The following HSPA12A variants were observed in gnomAD, a reference collection of about 807,000 sequenced individuals.
HSPA12A encodes the protein heat shock protein family A (Hsp70) member 12A.
A neutral mutation model predicts 69.2 loss-of-function variants in HSPA12A; 28 were observed. The observed-to-expected ratio is 0.40, with a 90% CI of 0.30 to 0.55. The LOEUF (loss-of-function observed/expected upper bound fraction) is 0.55, where lower values mean the gene tolerates loss of function less well. Ranked by LOEUF, HSPA12A falls within the 20% of genes least tolerant of loss-of-function variation. The pLI is 0.38. For missense variants in HSPA12A, 686 were observed against 900.7 expected (o/e 0.76, Z 3.05); for synonymous variants, 345 against 370.5 (o/e 0.93, Z 0.79).
intron 2 of HSPA12A, among the ~76,000 whole-genome samples, chr10:116,780,274 T>C (rs1248210203): frequency 1.3e-5 from 2 of 152,196 alleles, no homozygotes; most frequent in East Asian, 1.9e-4. Context: ...TCCTGTTTCA[T>C]GGACTCTTCG....
intron 2 of HSPA12A, among the ~76,000 whole-genome samples, chr10:116,815,393 C>G (rs1845283521): frequency 6.6e-6 from 1 of 152,078 alleles, no homozygotes; most frequent in Non-Finnish European, 1.5e-5. Flanking sequence ...TGGCAAGACC[C>G]CATTTCCACA....
chr10:116,836,472 C>T (rs1050504441), intron 1 of HSPA12A, among the ~76,000 whole-genome samples: 4 of 152,166 alleles, frequency 2.6e-5, no homozygotes, highest in Middle Eastern at 3.2e-3. Flanking sequence ...AACTAGATCG[C>T]TTTGGTTCCT....
chr10:116,772,575 G>A (rs909831263), intron 2 of HSPA12A, among the ~76,000 whole-genome samples: 14 of 152,206 alleles, frequency 9.2e-5, no homozygotes, highest in South Asian at 2.1e-4. Context: ...AATGAGGCCC[G>A]AAGCTGTCTG....
At chr10:116,728,837 C>G (rs1218558984) in intron 1 of HSPA12A, among the ~76,000 whole-genome samples, 1 of 152,216 alleles carries the variant, frequency 6.6e-6, no homozygotes, top group African/African-American at 2.4e-5. Context: ...GAGTAAGACT[C>G]CCTGATGGTG....
chr10:116,733,422 A>G (rs1004815526), intron 1 of HSPA12A, among the ~76,000 whole-genome samples: 8 of 152,214 alleles, frequency 5.3e-5, no homozygotes, highest in Non-Finnish European at 7.3e-5. Flanking sequence ...ACTGTTCCTC[A>G]TCACAGAGAA....
chr10:116,734,536 C>T (rs961658121), intron 1 of HSPA12A, among the ~76,000 whole-genome samples: 4 of 151,660 alleles, frequency 2.6e-5, no homozygotes, highest in Non-Finnish European at 4.4e-5. Flanking sequence ...AATGTCTTTG[C>T]AGCTCCTTCA....
intron 2 of HSPA12A, among the ~76,000 whole-genome samples, chr10:116,794,064 G>A (rs546020285): frequency 3.9e-5 from 6 of 152,074 alleles, no homozygotes; most frequent in South Asian, 2.1e-4. Context: ...TTAGCCAGGC[G>A]TGGTGGTGGG....
At chr10:116,822,341 G>T (rs1392550234) in intron 2 of HSPA12A, among the ~76,000 whole-genome samples, 1 of 152,216 alleles carries the variant, frequency 6.6e-6, no homozygotes, top group South Asian at 2.1e-4. Context: ...CTCATGATAA[G>T]AGAACAACTG....
At chr10:116,834,133 G>T (rs1845668924) in intron 2 of HSPA12A, among the ~76,000 whole-genome samples, 1 of 152,286 alleles carries the variant, frequency 6.6e-6, no homozygotes, top group African/African-American at 2.4e-5. Flanking sequence ...ACCTGGCTGA[G>T]TTGGAAAACA....
At chr10:116,700,309 C>T (rs991571336) in intron 4 of HSPA12A, among the ~76,000 whole-genome samples, 63 of 152,178 alleles carry the variant, frequency 4.1e-4, no homozygotes, top group African/African-American at 1.4e-3. Flanking sequence ...CTGTCCTATG[C>T]CCTATCCTTT....
chr10:116,801,199 T>G (rs967273551), intron 2 of HSPA12A, among the ~76,000 whole-genome samples: 1 of 152,194 alleles, frequency 6.6e-6, no homozygotes. Flanking sequence ...ATGGCTGGAT[T>G]CTAAGGGAAT....
At chr10:116,714,477 C>G (rs1850545088) in intron 1 of HSPA12A, among the ~76,000 whole-genome samples, 2 of 152,186 alleles carry the variant, frequency 1.3e-5, no homozygotes, top group South Asian at 4.1e-4. Context: ...TTCGCTGGCT[C>G]CTCTGCTAAG....
At chr10:116,807,619 G>A (rs530424540) in intron 2 of HSPA12A, among the ~76,000 whole-genome samples, 23 of 152,272 alleles carry the variant, frequency 1.5e-4, no homozygotes, top group African/African-American at 4.3e-4. Flanking sequence ...TCAGCGGGTC[G>A]TCCCCATTTC....
intron 3 of HSPA12A, among the ~76,000 whole-genome samples, chr10:116,702,122 CAGAGAGAGAG>C (rs60517749): frequency 2.0e-5 from 3 of 149,266 alleles, no homozygotes; most frequent in Non-Finnish European, 3.0e-5. Context: ...AAAGAAATGA[CAGAGAGAGAG>C]AGAGAGAGAG....
rs1156296437 is a variant in HSPA12A, at chr10:116,710,319, G to C, written c.41-3034C>G. ...CTAATTGCCCAGAAAATCTGGTGTT[G>C]GCAATTAGCAAACAAGCTATTATCT... is the stretch of plus-strand genomic sequence containing the variant. On this transcript the variant is annotated intron_variant, in intron 1 of 11. Transcript: ENST00000369209. This position sits in a 1 kb window ranked among gnomAD's most constrained non-coding sequence, Gnocchi z 4.1. Among the ~76,000 whole-genome samples, 1 of 152,186 alleles carries C rather than the reference G, an allele frequency of 6.6e-6. No homozygotes were observed. The highest frequency in any genetic ancestry group is 1.5e-5 in the Non-Finnish European group (1 of 68,026).
chr10:116,675,463 G>C lies in HSPA12A; in HGVS notation c.1391-45C>G. 2 of 1,501,870 alleles carry C rather than the reference G, an allele frequency of 1.3e-6. No individual in the cohort carries two copies. The highest frequency in any genetic ancestry group is 1.8e-6 in the Non-Finnish European group (2 of 1,124,030). 93.0% of individuals were successfully genotyped at this position (1,501,870 alleles called of 1,614,324 possible). The stretch of plus-strand genomic sequence containing the variant: ...GAGAATGTCCTGTCACCAAAAGCCA[G>C]CAAGGAAGGGGGAACTGGGCTGCCT... On this transcript the variant is annotated intron_variant, in intron 11 of 11. Coordinates refer to ENST00000369209, the MANE Select transcript of HSPA12A (RefSeq NM_025015.3). This position sits in a 1 kb window ranked among gnomAD's most constrained non-coding sequence, Gnocchi z 5.2.
At chr10:116,697,542 G>C (rs782562381) in intron 5 of HSPA12A, among the ~76,000 whole-genome samples, 4 of 152,104 alleles carry the variant, frequency 2.6e-5, no homozygotes, top group African/African-American at 4.8e-5. Flanking sequence ...TGCATGTCCA[G>C]TCCCATTTTC....
At chr10:116,716,248 C>A (rs1018825797) in intron 1 of HSPA12A, among the ~76,000 whole-genome samples, 1 of 152,098 alleles carries the variant, frequency 6.6e-6, no homozygotes, top group Non-Finnish European at 1.5e-5. Flanking sequence ...CTTAAAGGAC[C>A]CTGACATGCC....
Position 116,671,278 on chromosome 10 carries a change from A to G in HSPA12A, c.*3503T>C, listed in dbSNP as rs1849064876. The G allele has an allele frequency of 6.6e-6, 1 of 152,178 alleles. No homozygotes were observed. Among genetic ancestry groups the G allele is most frequent in the East Asian group, 1.9e-4 (1 of 5,180 alleles). The allele number at this position is 152,178 out of a possible 1,614,324, so 9.4% of individuals were successfully genotyped here. A position where few individuals can be genotyped will look rare whatever the true frequency, so the allele number is the denominator to read the frequency against. On this transcript the variant is annotated 3_prime_UTR_variant, in exon 12 of 12. Transcript: ENST00000369209. ...CCCGTCTGGTGGTGAACTGCTGCAAAGTTCTGTGAAGTTTGAATTTATCTT... is the reference window on the plus strand; with the variant it reads ...CCCGTCTGGTGGTGAACTGCTGCAAGGTTCTGTGAAGTTTGAATTTATCTT...
Sources: allele counts gnomAD v4.1 joint callset (sites outside exome capture counted in the v4.1 genomes callset), GRCh38; gene constraint gnomAD v4.1.1; non-coding constraint Gnocchi (gnomAD v3.1); transcripts MANE v1.5; gene names NCBI Gene and HGNC (gene_info 2026-07-23, HGNC 2026-07-21).